MARCHF1: variants seen among roughly 807,000 people sequenced by gnomAD.
MARCHF1 encodes membrane associated ring-CH-type finger 1, also known as E3 ubiquitin-protein ligase MARCHF1.
In MARCHF1, 40 loss-of-function variants were observed where a neutral mutation model predicts 54.2. The ratio of observed to expected loss-of-function variants is 0.74; its 90% CI spans 0.57 to 0.96. The LOEUF is 0.96. Among genes scored for constraint, MARCHF1 ranks in the 40% least tolerant of loss-of-function variants. MARCHF1 has a pLI of 0.00. For synonymous variants in MARCHF1, 236 were observed against 236.3 expected, an observed-to-expected ratio of 1.00 and a Z score of 0.01; for missense variants, 586 against 656.5, an observed-to-expected ratio of 0.89 and a Z score of 1.17.
chr4:164,081,976 T>C (rs1316250012), intron 2 of MARCHF1, among the ~76,000 whole-genome samples: 1 of 152,174 alleles, frequency 6.6e-6, no homozygotes, highest in Non-Finnish European at 1.5e-5. Flanking sequence ...TCTCACACCA[T>C]CTGGCTGGCA....
intron 1 of MARCHF1, among the ~76,000 whole-genome samples, chr4:164,240,687 C>T (rs1732715008): frequency 6.6e-6 from 1 of 152,102 alleles, no homozygotes; most frequent in Admixed American, 6.5e-5. Context: ...CTTCTAACCT[C>T]ACAAGCTAAC....
intron 5 of MARCHF1, among the ~76,000 whole-genome samples, chr4:163,671,718 T>C (rs17577181): frequency 0.3 from 45,953 of 151,986 alleles, 8,939 homozygotes; most frequent in Non-Finnish European, 0.45. Flanking sequence ...TATATTAAAT[T>C]TGCAAAACTC....
At chr4:163,616,637 T>G (rs1413499417) in intron 5 of MARCHF1, among the ~76,000 whole-genome samples, 1 of 151,992 alleles carries the variant, frequency 6.6e-6, no homozygotes, top group Non-Finnish European at 1.5e-5. Context: ...CCGAGCTACT[T>G]GGGAGGATGT....
chr4:163,978,501 C>A lies in MARCHF1; in HGVS notation c.-39+10000G>T, dbSNP rs535061918. On this transcript the variant is annotated intron_variant, in intron 3 of 9. Coordinates refer to ENST00000514618, the MANE Select transcript of MARCHF1 (RefSeq NM_001394959.1). ...AGTCTCATAACTTTATGAGGTAGTT[C>A]TCATACTTGTCATTATTTTATATAT... Among the ~76,000 whole-genome samples, 343 of 152,126 alleles carry A rather than the reference C, an allele frequency of 2.3e-3. 1 individual carries two copies. Among genetic ancestry groups the A allele is most frequent in the African/African-American group, 7.9e-3 (327 of 41,468 alleles).
chr4:163,670,876 T>G (rs1282555586), intron 5 of MARCHF1, among the ~76,000 whole-genome samples: 1 of 152,252 alleles, frequency 6.6e-6, no homozygotes, highest in African/African-American at 2.4e-5. Flanking sequence ...AAGTATTTCC[T>G]TTTTAGCTTC....
intron 1 of MARCHF1, among the ~76,000 whole-genome samples, chr4:164,199,622 C>G (rs1731381578): frequency 7.5e-6 from 1 of 132,718 alleles, no homozygotes; most frequent in Non-Finnish European, 1.6e-5. Context: ...GGTGACAGAG[C>G]AGGACTCTGT....
At chr4:164,382,348 C>G (rs1216315439) in intron 1 of MARCHF1, among the ~76,000 whole-genome samples, 1 of 152,142 alleles carries the variant, frequency 6.6e-6, no homozygotes, top group Non-Finnish European at 1.5e-5. Context: ...AAATTAGCCT[C>G]TTTCAAGAAA....
At chr4:163,703,215 A>T (rs555768072) in intron 4 of MARCHF1, among the ~76,000 whole-genome samples, 1 of 152,254 alleles carries the variant, frequency 6.6e-6, no homozygotes, top group East Asian at 1.9e-4. Flanking sequence ...TGATCATCAT[A>T]GGTCACTATA....
At chr4:163,974,449 G>A (rs1371190324) in intron 3 of MARCHF1, among the ~76,000 whole-genome samples, 13 of 152,176 alleles carry the variant, frequency 8.5e-5, no homozygotes, top group Admixed American at 8.5e-4. Context: ...TACCAGAAAT[G>A]CAGGTGAACA....
intron 4 of MARCHF1, among the ~76,000 whole-genome samples, chr4:163,773,526 T>C (rs1332999649): frequency 2.0e-5 from 3 of 152,306 alleles, no homozygotes; most frequent in South Asian, 2.1e-4. Flanking sequence ...GTGGTTACCT[T>C]GCTAATAGTG....
intron 2 of MARCHF1, chr4:164,055,266 A>C (rs1314184191): frequency 6.6e-6 from 1 of 152,208 alleles, no homozygotes; most frequent in East Asian, 1.9e-4. Flanking sequence ...CAACATGCTG[A>C]AACCCCATCT....
At chr4:164,218,217 C>A (rs1731986783) in intron 1 of MARCHF1, among the ~76,000 whole-genome samples, 1 of 151,826 alleles carries the variant, frequency 6.6e-6, no homozygotes, top group African/African-American at 2.4e-5. Context: ...AATGGAGAGA[C>A]CTTATGGAAA....
chr4:163,639,480 A>C (rs1742476912), intron 5 of MARCHF1, among the ~76,000 whole-genome samples: 1 of 152,180 alleles, frequency 6.6e-6, no homozygotes, highest in East Asian at 1.9e-4. Context: ...TTTCCAACAC[A>C]TGTTCTTTAT....
chr4:163,665,038 G>A (rs891130281), intron 5 of MARCHF1, among the ~76,000 whole-genome samples: 1 of 151,964 alleles, frequency 6.6e-6, no homozygotes, highest in Non-Finnish European at 1.5e-5. Context: ...GTCTACCAAG[G>A]TAAAAGTGTC....
intron 7 of MARCHF1, among the ~76,000 whole-genome samples, chr4:163,601,678 A>G (rs963588280): frequency 2.0e-5 from 3 of 152,114 alleles, no homozygotes; most frequent in African/African-American, 7.2e-5. Flanking sequence ...CTGAATGAGC[A>G]TCATACTTCT....
intron 1 of MARCHF1, among the ~76,000 whole-genome samples, chr4:164,351,207 G>C (rs1422175851): frequency 3.3e-5 from 5 of 150,828 alleles, no homozygotes; most frequent in South Asian, 4.2e-4. Context: ...CATTGCCCAG[G>C]CTTGCTTAGG....
chr4:164,063,735 C>T (rs1754669066), intron 2 of MARCHF1, among the ~76,000 whole-genome samples: 1 of 152,092 alleles, frequency 6.6e-6, no homozygotes, highest in East Asian at 1.9e-4. Flanking sequence ...TTTCAAATAG[C>T]ACTTGTGCAT....
intron 1 of MARCHF1, among the ~76,000 whole-genome samples, chr4:164,274,384 G>A (rs1733819101): frequency 6.7e-6 from 1 of 150,340 alleles, no homozygotes; most frequent in African/African-American, 2.4e-5. Flanking sequence ...GTTTCTGAAT[G>A]ATTAACAAGG....
chr4:163,770,037 T>C (rs1339311516), intron 4 of MARCHF1, among the ~76,000 whole-genome samples: 1 of 151,938 alleles, frequency 6.6e-6, no homozygotes, highest in African/African-American at 2.4e-5. Context: ...ACAGTAGATA[T>C]ATTTTCTCTT....
Sources: gnomAD v4.1 joint callset for allele counts (sites outside exome capture counted in the v4.1 genomes callset) on GRCh38, gnomAD v4.1.1 for gene constraint, MANE v1.5 for transcripts, NCBI Gene and HGNC (gene_info 2026-07-23, HGNC 2026-07-21) for gene names.